OR1J2: variants seen among roughly 807,000 people sequenced by gnomAD.
OR1J2 encodes the protein olfactory receptor family 1 subfamily J member 2.
For synonymous variants in OR1J2, 142 were observed against 99.7 expected, an observed-to-expected ratio of 1.42 and a Z score of -2.52; for missense variants, 304 against 246.1, an observed-to-expected ratio of 1.24 and a Z score of -1.57.
chr9:122,451,822 A>G, the OR1J2 span, among the ~76,000 whole-genome samples: 2 of 152,192 alleles, frequency 1.3e-5, no homozygotes, highest in Admixed American at 6.5e-5. Flanking sequence ...GTCATTGCTC[A>G]GTAAAGTCCA....
chr9:122,552,749 AGTGTGTGTGTGT>A, the OR1J2 span, among the ~76,000 whole-genome samples: 212 of 129,756 alleles, frequency 1.6e-3, no homozygotes, highest in Non-Finnish European at 2.8e-3. Flanking sequence ...AGAGGGCTTG[AGTGTGTGTGTGT>A]GTGTGTGTGT....
chr9:122,551,175 G>T, the OR1J2 span, among the ~76,000 whole-genome samples: 1 of 152,080 alleles, frequency 6.6e-6, no homozygotes, highest in African/African-American at 2.4e-5. Context: ...CAAAAAGTTG[G>T]ATTATTTTAG....
chr9:122,477,492 C>T, the OR1J2 span: 132 of 1,613,934 alleles, frequency 8.2e-5, no homozygotes, highest in Non-Finnish European at 1.1e-4. Flanking sequence ...AGGACCCAGC[C>T]ACCAGCATGA....
At chr9:122,459,259 G>T in the OR1J2 span, among the ~76,000 whole-genome samples, 1 of 152,142 alleles carries the variant, frequency 6.6e-6, no homozygotes, top group African/African-American at 2.4e-5. Flanking sequence ...AACATGGGAG[G>T]ATAGACATCT....
chr9:122,448,050 C>T, the OR1J2 span, among the ~76,000 whole-genome samples: 1 of 152,116 alleles, frequency 6.6e-6, no homozygotes, highest in Non-Finnish European at 1.5e-5. Flanking sequence ...AGGGAACTGG[C>T]ACTCAGCCTG....
chr9:122,483,520 G>A, the OR1J2 span, among the ~76,000 whole-genome samples: 5,194 of 152,234 alleles, frequency 0.034, 263 homozygotes, highest in African/African-American at 0.12. Context: ...CAATTAAAAC[G>A]TGGAACAACA....
At chr9:122,462,716 A>G in the OR1J2 span, among the ~76,000 whole-genome samples, 1 of 152,080 alleles carries the variant, frequency 6.6e-6, no homozygotes, top group African/African-American at 2.4e-5. Flanking sequence ...CTTGGCTGAT[A>G]ATTGTTTTGT....
At chr9:122,515,443 C>T (rs1330189269), downstream of OR1J2, among the ~76,000 whole-genome samples, 8 of 147,566 alleles carry the variant, frequency 5.4e-5, no homozygotes, top group Admixed American at 5.4e-4. Flanking sequence ...TTTTTATTCC[C>T]AGTTCCTAAA....
upstream of OR1J2, among the ~76,000 whole-genome samples, chr9:122,510,448 A>G (rs577622897): frequency 2.6e-5 from 4 of 152,230 alleles, no homozygotes; most frequent in East Asian, 7.8e-4. Context: ...ATAAGGAAAA[A>G]TATGAGAAGC....
the OR1J2 span, among the ~76,000 whole-genome samples, chr9:122,459,928 G>A: frequency 8.6e-5 from 13 of 151,924 alleles, no homozygotes; most frequent in South Asian, 2.1e-4. Flanking sequence ...ATTAAAAGAC[G>A]CTTTTAATGG....
At chr9:122,480,951 C>T in the OR1J2 span, among the ~76,000 whole-genome samples, 1 of 152,024 alleles carries the variant, frequency 6.6e-6, no homozygotes, top group Non-Finnish European at 1.5e-5. Context: ...TGCACCACTA[C>T]GCCCAGCTAA....
chr9:122,553,711 C>T, the OR1J2 span: 3 of 1,614,008 alleles, frequency 1.9e-6, no homozygotes, highest in Non-Finnish European at 2.5e-6. Context: ...CTGTTGCTGA[C>T]CCGCGTGGCT....
chr9:122,566,102 T>A, the OR1J2 span, among the ~76,000 whole-genome samples: 1 of 152,226 alleles, frequency 6.6e-6, no homozygotes, highest in East Asian at 1.9e-4. Flanking sequence ...ATAATATAGA[T>A]GTATCTTTAA....
At chr9:122,510,663 G>A (rs533462101), upstream of OR1J2, 31 of 558,134 alleles carry the variant, frequency 5.6e-5, no homozygotes, top group East Asian at 4.2e-4. Flanking sequence ...ACAGACCCCC[G>A]ATAGGCCCCA....
the OR1J2 span, among the ~76,000 whole-genome samples, chr9:122,521,867 T>G: frequency 6.6e-6 from 1 of 152,146 alleles, no homozygotes; most frequent in Non-Finnish European, 1.5e-5. Context: ...ATATTGTCAT[T>G]TATGTTTTAG....
the OR1J2 span, among the ~76,000 whole-genome samples, chr9:122,561,304 G>A: frequency 1.3e-5 from 2 of 152,114 alleles, no homozygotes; most frequent in East Asian, 3.9e-4. Flanking sequence ...GCTCAGCAGA[G>A]TTTGTTATTA....
At chr9:122,538,840 A>C in the OR1J2 span, among the ~76,000 whole-genome samples, 2 of 152,228 alleles carry the variant, frequency 1.3e-5, no homozygotes, top group African/African-American at 4.8e-5. Flanking sequence ...ATGGGTATAC[A>C]TGAGCATAGA....
the OR1J2 span, among the ~76,000 whole-genome samples, chr9:122,498,250 T>G: frequency 1.3e-5 from 2 of 152,200 alleles, no homozygotes; most frequent in African/African-American, 4.8e-5. Flanking sequence ...TTTTTTTCCT[T>G]CTTCCTCAAG....
chr9:122,520,851 C>T, the OR1J2 span, among the ~76,000 whole-genome samples: 1 of 152,170 alleles, frequency 6.6e-6, no homozygotes, highest in East Asian at 1.9e-4. Context: ...GTATTATATG[C>T]CCAAGTCATC....
Sources: gnomAD v4.1 joint callset for allele counts (sites outside exome capture counted in the v4.1 genomes callset) on GRCh38, gnomAD v4.1.1 for gene constraint, MANE v1.5 for transcripts, NCBI Gene and HGNC (gene_info 2026-07-23, HGNC 2026-07-21) for gene names.